The following ACP4 variants were observed in gnomAD, a reference collection of about 807,000 sequenced individuals.
ACP4 encodes the protein testicular acid phosphatase.
Under a neutral mutation model 47.3 loss-of-function variants are expected in ACP4, and 49 were observed. The observed-to-expected ratio is 1.04, with a 90% CI of 0.82 to 1.32. The LOEUF is 1.32. Ranked by LOEUF, ACP4 falls within the 40% of genes most tolerant of loss-of-function variation. ACP4 has a pLI of 0.00. For synonymous variants in ACP4, 299 were observed against 265.3 expected, an observed-to-expected ratio of 1.13 and a Z score of -1.23; for missense variants, 594 against 579.3, an observed-to-expected ratio of 1.03 and a Z score of -0.26.
chr19:50,791,944 C>A, intron 4 of ACP4, 129 bp from the exon 5 acceptor site: 2 of 1,444,416 alleles, frequency 1.4e-6, no homozygotes, highest in Non-Finnish European at 9.2e-7. Context: ...CCCCGGCCCA[C>A]GCTGCTCTCC....
In ACP4 at chr19:50,792,059, TCA is replaced by T; in HGVS notation, c.451-13_451-12del. On this transcript the variant is annotated splice_polypyrimidine_tract_variant and intron_variant, in intron 4 of 10. Coordinates refer to ENST00000270593, the MANE Select transcript of ACP4 (RefSeq NM_033068.3). ...GGCACACGGCTGTCCTCTCTGAGAC[TCA>T]GTTTTCCCCAGCTGCTGAGGTTCCC... 1 of 1,562,430 alleles carries T rather than the reference TCA, an allele frequency of 6.4e-7. No homozygotes were observed. The highest frequency in any genetic ancestry group is 8.7e-7 in the Non-Finnish European group (1 of 1,153,574).
intron 4 of ACP4, 78 bp downstream of exon 4, chr19:50,791,880 C>T: frequency 2.0e-6 from 3 of 1,504,598 alleles, no homozygotes; most frequent in Non-Finnish European, 2.7e-6. Flanking sequence ...GCCGCCTGAG[C>T]TGGCTCCGAG....
intron 6 of ACP4, 47 bp from the exon 7 acceptor site, chr19:50,793,637 G>C (rs773680724): frequency 4.4e-6 from 7 of 1,598,000 alleles, no homozygotes; most frequent in Admixed American, 3.4e-5. Flanking sequence ...GGGGCCAGAG[G>C]CAAACTCGAG....
chr19:50,791,748 C>T lies in ACP4; in HGVS notation c.396C>T (p.Pro132=), dbSNP rs745635016. The T allele has an allele frequency of 1.7e-5, 28 of 1,612,732 alleles. 1 individual carries two copies. The highest frequency in any genetic ancestry group is 8.9e-5 in the East Asian group (4 of 44,890). Residue 132 remains proline, a synonymous_variant, in exon 4 of 11, where the codon CCC becomes CCT. Coordinates refer to ENST00000270593, the MANE Select transcript of ACP4 (RefSeq NM_033068.3). The stretch of plus-strand genomic sequence containing the variant: ...TTCCCGAGGCTGCTCCAGGGAGCCC[C>T]GAGGCCCGCTGGAGGCCGATCCCGG... ...GLFPEAAPGS[P]EARWRPIPVH... is the part of the protein sequence containing the mutation.
At position 50,794,945 on chromosome 19, in the gene ACP4, T is replaced by C. The variant is rs773944011; in HGVS notation, c.1146T>C (p.Tyr382=). The C allele has an allele frequency of 1.1e-5, 18 of 1,613,006 alleles. No homozygotes were observed. The South Asian group carries it at 1.8e-4, about 16-fold the overall frequency. The change falls in exon 10 of 11, where the codon TAT becomes TAC. Residue 382 remains tyrosine, a synonymous_variant. Coordinates refer to ENST00000270593, the MANE Select transcript of ACP4 (RefSeq NM_033068.3). ...ATGGGGTCTCCTGCCATGGCCCCTATGAGGCTGCCATCCCCCCAGGTGACA... is the reference window on the plus strand; with the variant it reads ...ATGGGGTCTCCTGCCATGGCCCCTACGAGGCTGCCATCCCCCCAGGTGACA... ...PAHGVSCHGP[Y]EAAIPPAPVV...
At chr19:50,794,197 A>C (rs2089534717) in intron 8 of ACP4, among the ~76,000 whole-genome samples, 1 of 152,218 alleles carries the variant, frequency 6.6e-6, no homozygotes, top group African/African-American at 2.4e-5. Flanking sequence ...TGTTTTCTTT[A>C]AGAAACTATG....
In ACP4 at chr19:50,790,765, T is replaced by C; in HGVS notation, c.217-9T>C. On this transcript the variant is annotated splice_polypyrimidine_tract_variant and intron_variant, in intron 2 of 10. Coordinates refer to ENST00000270593, the MANE Select transcript of ACP4 (RefSeq NM_033068.3). ...GGGGAGTGGTAGGCTGAGGCTGTTC[T>C]GTCCCCAGGAGGGGGTCCGCCAGCA... 6.5e-7 allele frequency: 1 copy of C among 1,546,898 alleles called. No homozygotes were observed.
Position 50,790,788 on chromosome 19 carries a change from G to A in ACP4, c.231G>A (p.Gln77=). 2 of 1,548,264 alleles carry A rather than the reference G, an allele frequency of 1.3e-6. No individual in the cohort carries two copies. Among genetic ancestry groups the A allele is most frequent in the Non-Finnish European group, 1.7e-6 (2 of 1,146,674 alleles). ...TCTGTCCCCAGGAGGGGGTCCGCCA[G>A]CAGCTGGAGCTGGGCCGCTTCCTGA... ...LGQLTTEGVR[Q]QLELGRFLRS... Residue 77 remains glutamine (Q), a synonymous_variant, in exon 3 of 11, where the codon CAG becomes CAA. Transcript: ENST00000270593.
chr19:50,792,644 G>A (rs2089519975), intron 6 of ACP4: 2 of 302,672 alleles, frequency 6.6e-6, no homozygotes, highest in Admixed American at 4.8e-5. Flanking sequence ...CCAAAACCTG[G>A]GCAGCGGGAG....
At chr19:50,794,375 G>A in intron 8 of ACP4, 82 bp from the exon 9 acceptor site, 1 of 1,563,734 alleles carries the variant, frequency 6.4e-7, no homozygotes, top group Non-Finnish European at 8.6e-7. Flanking sequence ...AAGCCTGGGG[G>A]ACATCTGGAT....
intron 9 of ACP4, 30 bp from the exon 10 acceptor site, chr19:50,794,753 GGGA>G (rs1568465980): frequency 1.3e-6 from 2 of 1,576,712 alleles, no homozygotes; most frequent in Admixed American, 1.7e-5. Context: ...AATGACAGGA[GGGA>G]GGAGGTGCCA....
At chr19:50,794,715 G>A in intron 9 of ACP4, 71 bp from the exon 10 acceptor site, 1 of 1,573,602 alleles carries the variant, frequency 6.4e-7, no homozygotes, top group Non-Finnish European at 8.6e-7. Flanking sequence ...GTGGGAGTCA[G>A]AAGCCCTTTT....
intron 6 of ACP4, 45 bp downstream of exon 6, chr19:50,792,382 T>C (rs2089517995): frequency 6.3e-7 from 1 of 1,586,490 alleles, no homozygotes; most frequent in Non-Finnish European, 8.6e-7. Context: ...GACACCTGTT[T>C]CCAATCCCAG....
At chr19:50,791,078 T>C (rs902864761) in intron 3 of ACP4, among the ~76,000 whole-genome samples, 4 of 152,102 alleles carry the variant, frequency 2.6e-5, no homozygotes, top group African/African-American at 9.7e-5. Flanking sequence ...CTCCATCAAC[T>C]CTGACTTTAT....
At chr19:50,794,314 T>C (rs2089536204) in intron 8 of ACP4, 143 bp from the exon 9 acceptor site, 6 of 1,215,778 alleles carry the variant, frequency 4.9e-6, no homozygotes, top group South Asian at 1.5e-5. Flanking sequence ...CAAATGTTGG[T>C]ACTGCCTTCA....
chr19:50,794,704 G>A (rs2089540861), intron 9 of ACP4, 82 bp from the exon 10 acceptor site: 1 of 1,576,766 alleles, frequency 6.3e-7, no homozygotes, highest in Non-Finnish European at 8.6e-7. Flanking sequence ...GAGGATGACA[G>A]GTGGGAGTCA....
intron 3 of ACP4, among the ~76,000 whole-genome samples, chr19:50,791,430 T>C (rs969354573): frequency 4.6e-5 from 7 of 152,276 alleles, no homozygotes; most frequent in South Asian, 2.1e-4. Flanking sequence ...ATTGACTCAA[T>C]TGACCCCCTA....
intron 3 of ACP4, among the ~76,000 whole-genome samples, chr19:50,791,282 A>G (rs577895545): frequency 5.2e-4 from 79 of 152,244 alleles, no homozygotes; most frequent in Non-Finnish European, 1.1e-3. Flanking sequence ...GTCTTCTGAC[A>G]TCCCCCAGCT....
rs781192952 is a variant in ACP4, at chr19:50,792,676, CTT to C, written c.645+360_645+361del. 722 of 110,586 alleles carry C rather than the reference CTT, an allele frequency of 6.5e-3. 4 individuals carry two copies. The highest frequency in any genetic ancestry group is 0.011 in the South Asian group (38 of 3,440). The allele number at this position is 110,586 out of a possible 1,614,324, so 6.9% of individuals were successfully genotyped here. A position where few individuals can be genotyped will look rare whatever the true frequency, so the allele number is the denominator to read the frequency against. ...GGAGCTGACCTGAAATGATGCAATG[CTT>C]TTTTTTTTTTTTTTTTTTTTGGAGA... On this transcript the variant is annotated intron_variant, in intron 6 of 10. Transcript: ENST00000270593.
Sources: gnomAD v4.1 joint callset for allele counts (sites outside exome capture counted in the v4.1 genomes callset) on GRCh38, gnomAD v4.1.1 for gene constraint, MANE v1.5 for transcripts, NCBI Gene and HGNC (gene_info 2026-07-23, HGNC 2026-07-21) for gene names.